TANC2: variants seen among roughly 807,000 people sequenced by gnomAD.
The protein encoded by TANC2 is tetratricopeptide repeat, ankyrin repeat and coiled-coil containing 2.
Under a neutral mutation model 210.5 loss-of-function variants are expected in TANC2, and 26 were observed. The observed-to-expected ratio is 0.12, with a 90% CI of 0.09 to 0.17. TANC2 has a LOEUF of 0.17. Ranked by LOEUF, TANC2 falls within the 10% of genes least tolerant of loss-of-function variation. The probability of loss-of-function intolerance (pLI) is 1.00; values close to 1 mark genes in which losing one functional copy is unlikely to be tolerated. For synonymous variants in TANC2, 931 were observed against 967.1 expected (o/e 0.96, Z 0.69); for missense variants, 2,129 against 2,608.9 (o/e 0.82, Z 4.01).
intron 1 of TANC2, chr17:62,967,094 A>G (rs928042748): frequency 2.0e-5 from 3 of 152,262 alleles, no homozygotes; most frequent in African/African-American, 7.2e-5. Context: ...TGCCCCCAGA[A>G]TGCAGCATAA....
At chr17:63,397,468 C>T (rs928015575) in intron 18 of TANC2, among the ~76,000 whole-genome samples, 4 of 152,148 alleles carry the variant, frequency 2.6e-5, no homozygotes, top group Non-Finnish European at 5.9e-5. Flanking sequence ...ACTGTATTGC[C>T]GTTAAATCTG....
chr17:63,332,782 A>T (rs2045900807), intron 11 of TANC2, among the ~76,000 whole-genome samples: 2 of 152,312 alleles, frequency 1.3e-5, no homozygotes, highest in South Asian at 4.1e-4. Context: ...TTAGGGACTA[A>T]TGTAGCTGGT....
intron 7 of TANC2, among the ~76,000 whole-genome samples, chr17:63,204,588 A>C (rs2041638843): frequency 6.6e-6 from 1 of 150,910 alleles, no homozygotes; most frequent in African/African-American, 2.4e-5. Context: ...ACCTAGCGAC[A>C]CTCTGTTTCT....
chr17:63,063,077 C>A (rs1369215992), intron 2 of TANC2, among the ~76,000 whole-genome samples: 1 of 152,172 alleles, frequency 6.6e-6, no homozygotes, highest in Admixed American at 6.5e-5. Context: ...TGAGCATTTG[C>A]TAGAATGTCT....
At chr17:63,028,666 G>A (rs1373017515) in intron 2 of TANC2, among the ~76,000 whole-genome samples, 2 of 152,116 alleles carry the variant, frequency 1.3e-5, no homozygotes, top group Non-Finnish European at 2.9e-5. Flanking sequence ...GGAAGAAAAA[G>A]GAAAGTCAGA....
intron 1 of TANC2, among the ~76,000 whole-genome samples, chr17:62,973,030 A>ATTTTTT (rs113343539): frequency 1.4e-4 from 18 of 132,770 alleles, no homozygotes; most frequent in African/African-American, 4.7e-4. Context: ...TAGTTGCCGC[A>ATTTTTT]TTTTTTTTTT....
At chr17:63,011,910 T>C (rs1001814085) in intron 2 of TANC2, among the ~76,000 whole-genome samples, 2 of 152,034 alleles carry the variant, frequency 1.3e-5, no homozygotes, top group Non-Finnish European at 2.9e-5. Context: ...ATTTGGTCAG[T>C]CATATATTTG....
chr17:62,982,775 T>TA (rs756653999), intron 1 of TANC2, among the ~76,000 whole-genome samples: 2 of 152,222 alleles, frequency 1.3e-5, no homozygotes, highest in Non-Finnish European at 2.9e-5. Context: ...TGGCTGTAGA[T>TA]ATATGGATTA....
At chr17:63,276,334 A>G (rs17202277) in intron 9 of TANC2, among the ~76,000 whole-genome samples, 23,169 of 152,048 alleles carry the variant, frequency 0.15, 2,101 homozygotes, top group Middle Eastern at 0.22. Flanking sequence ...TAAGAGCACA[A>G]TACTTAAAAC....
At chr17:63,364,658 A>G (rs2047058962) in intron 14 of TANC2, among the ~76,000 whole-genome samples, 1 of 152,186 alleles carries the variant, frequency 6.6e-6, no homozygotes, top group African/African-American at 2.4e-5. Context: ...AAGGTGGCTT[A>G]TGCCTGTAAT....
intron 3 of TANC2, among the ~76,000 whole-genome samples, chr17:63,097,913 T>A (rs916109275): frequency 1.5e-4 from 23 of 152,232 alleles, no homozygotes; most frequent in African/African-American, 4.8e-4. Context: ...TGACGTATCT[T>A]CCAGTTTACT....
chr17:63,138,119 C>T (rs2039155719), intron 4 of TANC2, among the ~76,000 whole-genome samples: 1 of 152,156 alleles, frequency 6.6e-6, no homozygotes, highest in Admixed American at 6.6e-5. Context: ...AGTTCAGAAA[C>T]TTTACATGTG....
chr17:63,338,374 A>C (rs558629336), intron 11 of TANC2, among the ~76,000 whole-genome samples: 1 of 152,336 alleles, frequency 6.6e-6, no homozygotes, highest in East Asian at 1.9e-4. Context: ...GCTTTTTCTA[A>C]ATATCACAAT....
chr17:63,145,231 T>G (rs1471163571), intron 4 of TANC2, among the ~76,000 whole-genome samples: 1 of 152,058 alleles, frequency 6.6e-6, no homozygotes, highest in African/African-American at 2.4e-5. Flanking sequence ...CCCACCTATT[T>G]CCAGATTTTA....
chr17:63,292,365 G>A (rs1375747537), intron 9 of TANC2, among the ~76,000 whole-genome samples: 1 of 152,198 alleles, frequency 6.6e-6, no homozygotes, highest in Non-Finnish European at 1.5e-5. Context: ...GCCCAAGAAA[G>A]GAGGCTATTT....
At chr17:62,979,892 A>G (rs1568292068) in intron 1 of TANC2, among the ~76,000 whole-genome samples, 1 of 152,210 alleles carries the variant, frequency 6.6e-6, no homozygotes, top group Non-Finnish European at 1.5e-5. Context: ...CAGCATGGGC[A>G]ACAGAGTGAG....
intron 4 of TANC2, among the ~76,000 whole-genome samples, chr17:63,102,745 G>A (rs890940369): frequency 5.3e-5 from 8 of 151,848 alleles, no homozygotes; most frequent in South Asian, 4.2e-4. Context: ...AATCTTGTTG[G>A]CATGTATGTA....
chr17:63,415,720 A>G (rs2048838909), intron 26 of TANC2, 46 bp downstream of exon 26: 1 of 1,593,548 alleles, frequency 6.3e-7, no homozygotes, highest in Non-Finnish European at 8.5e-7. Context: ...CTGGTAGCTG[A>G]TAGCCTGTGT....
chr17:63,078,601 T>G (rs1240057432), intron 3 of TANC2, among the ~76,000 whole-genome samples: 2 of 152,192 alleles, frequency 1.3e-5, no homozygotes, highest in African/African-American at 4.8e-5. Flanking sequence ...ATAAGTAGTA[T>G]TTTCATTTAG....
Sources: allele counts gnomAD v4.1 joint callset (sites outside exome capture counted in the v4.1 genomes callset), GRCh38; gene constraint gnomAD v4.1.1; transcripts MANE v1.5; gene names NCBI Gene and HGNC (gene_info 2026-07-23, HGNC 2026-07-21).